CTNND2: variants seen among roughly 807,000 people sequenced by gnomAD.
CTNND2 encodes the protein catenin delta-2.
Under a neutral mutation model 144.4 loss-of-function variants are expected in CTNND2, and 22 were observed. That is an observed-to-expected ratio of 0.15 (90% CI 0.11 to 0.22). The LOEUF is 0.22. Among genes scored for constraint, CTNND2 ranks in the 10% least tolerant of loss-of-function variants. The pLI is 1.00. For synonymous variants in CTNND2, 751 were observed against 695.6 expected (o/e 1.08, Z -1.25); for missense variants, 1,353 against 1,618.8 (o/e 0.84, Z 2.82).
In CTNND2 at chr5:11,125,531, T is replaced by C. The variant is rs553109437; in HGVS notation, c.2160-7964A>G. Among the ~76,000 whole-genome samples the C allele has an allele frequency of 1.7e-4, 26 of 152,340 alleles. No individual in the cohort carries two copies. In the South Asian group the frequency reaches 5.4e-3, roughly 32 times the overall value. On this transcript the variant is annotated intron_variant, in intron 12 of 21. Coordinates refer to ENST00000304623, the MANE Select transcript of CTNND2 (RefSeq NM_001332.4). ...GGGATCTGCAGTGACACAGGGCAGC[T>C]GCTCAGCGCCGGGCTGGTTTCTTCT...
intron 1 of CTNND2, among the ~76,000 whole-genome samples, chr5:11,743,462 A>G (rs1252058928): frequency 2.6e-5 from 4 of 152,234 alleles, no homozygotes; most frequent in Non-Finnish European, 4.4e-5. Flanking sequence ...CCAAGGTAGA[A>G]TCGTCGATCA....
Position 11,455,983 on chromosome 5 carries a change from C to T in CTNND2, c.288-43914G>A, listed in dbSNP as rs534958446. ...TTTATTTATTTTGGAAAAATGACAT[C>T]TTTCATATGCCATGAGAAGGACTAC... is the stretch of plus-strand genomic sequence containing the variant. On this transcript the variant is annotated intron_variant, in intron 3 of 21. Coordinates refer to ENST00000304623, the MANE Select transcript of CTNND2 (RefSeq NM_001332.4). Among the ~76,000 whole-genome samples the T allele has an allele frequency of 2.0e-5, 3 of 152,242 alleles. 1 individual carries two copies. The South Asian group carries it at 6.2e-4, about 32-fold the overall frequency.
chr5:11,785,727 G>T (rs531450893), intron 1 of CTNND2, among the ~76,000 whole-genome samples: 1 of 152,268 alleles, frequency 6.6e-6, no homozygotes, highest in Admixed American at 6.5e-5. Flanking sequence ...AGAATTTGGA[G>T]GCTGGGTTAC....
At chr5:11,331,289 T>C (rs1487073019) in intron 9 of CTNND2, among the ~76,000 whole-genome samples, 1 of 152,210 alleles carries the variant, frequency 6.6e-6, no homozygotes, top group African/African-American at 2.4e-5. Context: ...GTTGAAAGCC[T>C]TCTGATTTAG....
At chr5:11,742,808 T>C (rs1230694548) in intron 1 of CTNND2, among the ~76,000 whole-genome samples, 2 of 152,192 alleles carry the variant, frequency 1.3e-5, no homozygotes, top group Admixed American at 6.5e-5. Flanking sequence ...AGAATAAGCA[T>C]AAACATCTTT....
chr5:11,733,955 C>T (rs2126746691), intron 1 of CTNND2, among the ~76,000 whole-genome samples: 1 of 152,130 alleles, frequency 6.6e-6, no homozygotes, highest in Admixed American at 6.5e-5. Context: ...GGAGGAGGGG[C>T]CTTTGAGAGG....
rs61751759 is a variant in CTNND2, at chr5:10,986,810, G to C, written c.3343+1301C>G. The C allele has an allele frequency of 1.7e-3, 609 of 367,908 alleles. 3 individuals carry two copies. Among genetic ancestry groups the C allele is most frequent in the African/African-American group, 0.012 (553 of 46,276 alleles). The allele number at this position is 367,908 out of a possible 1,614,324, so 22.8% of individuals were successfully genotyped here. A position where few individuals can be genotyped will look rare whatever the true frequency, so the allele number is the denominator to read the frequency against. On this transcript the variant is annotated intron_variant, in intron 20 of 21. Transcript: ENST00000304623. ...TACGCAGCTGAGCAGAGTTAACACG[G>C]AAAACACTGCCGCTGGGGTAAATGC...
rs34009518 is a variant in CTNND2, at chr5:11,589,282, A to AACACACACACACAC, written c.175-24240_175-24227dup. ...TTAGCTATCTGTATGTTAACATTAAAACACACACACACACACACACACACA... is the reference window on the plus strand; with the variant it reads ...TTAGCTATCTGTATGTTAACATTAAAACACACACACACACACACACACACACACACACACACACA... On this transcript the variant is annotated intron_variant, in intron 2 of 21. Transcript: ENST00000304623. Among the ~76,000 whole-genome samples the AACACACACACACAC allele has an allele frequency of 3.6e-3, 524 of 146,704 alleles. 1 individual carries two copies. The highest frequency in any genetic ancestry group is 7.3e-3 in the East Asian group (36 of 4,916).
chr5:11,283,928 C>T (rs1189834904), intron 9 of CTNND2, among the ~76,000 whole-genome samples: 1 of 152,152 alleles, frequency 6.6e-6, no homozygotes, highest in Non-Finnish European at 1.5e-5. Context: ...CGTCGTCTGA[C>T]GTGTATTGTG....
chr5:11,593,378 A>G (rs1779353346), intron 2 of CTNND2, among the ~76,000 whole-genome samples: 1 of 152,212 alleles, frequency 6.6e-6, no homozygotes, highest in Admixed American at 6.5e-5. Context: ...CAATAGAAAA[A>G]GGGTAAAATA....
rs954005019 is a variant in CTNND2 at position 11,450,839 on chromosome 5, A to G, written c.288-38770T>C. On this transcript the variant is annotated intron_variant, in intron 3 of 21. Transcript: ENST00000304623. ...CTTGAACCCGGGAGGCGGAGGTTAC[A>G]GTGAGCCGAGATTGCGCCATTGCAC... is the stretch of plus-strand genomic sequence containing the variant. Among the ~76,000 whole-genome samples, 4 of 144,040 alleles carry G rather than the reference A, an allele frequency of 2.8e-5. No homozygotes were observed. In the East Asian group the frequency reaches 8.1e-4, roughly 29 times the overall value. 94.5% of individuals were successfully genotyped at this position (144,040 alleles called of 152,430 possible).
intron 3 of CTNND2, among the ~76,000 whole-genome samples, chr5:11,558,552 T>C (rs185409613): frequency 6.6e-6 from 1 of 152,038 alleles, no homozygotes; most frequent in African/African-American, 2.4e-5. Flanking sequence ...TTTTTTTTTG[T>C]AGAGATGGAG....
At chr5:10,986,533 G>A (rs1407452439) in intron 20 of CTNND2, 10 of 437,142 alleles carry the variant, frequency 2.3e-5, no homozygotes, top group African/African-American at 4.0e-5. Context: ...ATCCTCTGCC[G>A]AATGTCTAGA....
At chr5:11,170,835 G>A (rs915229381) in intron 11 of CTNND2, among the ~76,000 whole-genome samples, 14 of 152,180 alleles carry the variant, frequency 9.2e-5, no homozygotes, top group Admixed American at 2.6e-4. Flanking sequence ...ACAATTCCAC[G>A]TGGCTGAGGA....
At chr5:11,039,293 C>T (rs1244057787) in intron 16 of CTNND2, among the ~76,000 whole-genome samples, 3 of 152,204 alleles carry the variant, frequency 2.0e-5, no homozygotes, top group African/African-American at 7.2e-5. Flanking sequence ...ACCTTACAAA[C>T]CAAGGTAATT....
At chr5:11,101,676 G>A (rs1432414218) in intron 14 of CTNND2, among the ~76,000 whole-genome samples, 1 of 152,166 alleles carries the variant, frequency 6.6e-6, no homozygotes, top group East Asian at 1.9e-4. Flanking sequence ...AACTGTGTTC[G>A]TTTTGGACTA....
intron 9 of CTNND2, among the ~76,000 whole-genome samples, chr5:11,308,060 G>C (rs576245690): frequency 8.5e-5 from 13 of 152,284 alleles, no homozygotes; most frequent in African/African-American, 2.6e-4. Context: ...ACGTGCTGCT[G>C]TCTTGCTCTC....
intron 1 of CTNND2, among the ~76,000 whole-genome samples, chr5:11,900,511 G>A (rs1258423372): frequency 1.3e-5 from 2 of 152,196 alleles, no homozygotes; most frequent in Non-Finnish European, 2.9e-5. Context: ...GGCAGACAAT[G>A]TGATAGAAAC....
At chr5:11,707,807 A>C (rs1785789229) in intron 2 of CTNND2, among the ~76,000 whole-genome samples, 1 of 152,210 alleles carries the variant, frequency 6.6e-6, no homozygotes, top group South Asian at 2.1e-4. Context: ...AAGAAAAACT[A>C]CAAAAAAGCC....
Sources: gnomAD v4.1 joint callset for allele counts (sites outside exome capture counted in the v4.1 genomes callset) on GRCh38, gnomAD v4.1.1 for gene constraint, MANE v1.5 for transcripts, NCBI Gene and HGNC (gene_info 2026-07-23, HGNC 2026-07-21) for gene names.